Variants in RIMS3 observed in about 807,000 individuals in gnomAD.
RIMS3 encodes the protein regulating synaptic membrane exocytosis 3.
In RIMS3, 15 loss-of-function variants were observed where a neutral mutation model predicts 29.2. The observed-to-expected ratio is 0.51, with a 90% CI of 0.34 to 0.79. RIMS3 has a LOEUF of 0.79. Among genes scored for constraint, RIMS3 ranks in the 30% least tolerant of loss-of-function variants. RIMS3 has a pLI of 0.01. For synonymous variants in RIMS3, 161 were observed against 170.1 expected (o/e 0.95, Z 0.41); for missense variants, 342 against 421.4 (o/e 0.81, Z 1.65).
the RIMS3 span, among the ~76,000 whole-genome samples, chr1:40,682,204 T>TTTCA: frequency 1.1e-3 from 170 of 152,298 alleles, no homozygotes; most frequent in Middle Eastern, 3.4e-3. Context: ...ACTGGCTTAC[T>TTTCA]TTCATTCATT....
At chr1:40,627,041 G>T (rs1317129380) in intron 7 of RIMS3, among the ~76,000 whole-genome samples, 2 of 152,202 alleles carry the variant, frequency 1.3e-5, no homozygotes, top group East Asian at 3.8e-4. Context: ...ACAGTAACTT[G>T]TGGCAGAGCT....
chr1:40,663,245 A>G (rs1032113139), intron 1 of RIMS3, among the ~76,000 whole-genome samples: 2 of 152,170 alleles, frequency 1.3e-5, no homozygotes, highest in African/African-American at 4.8e-5. Flanking sequence ...CAGGAGAGAC[A>G]GTGCCACAGT....
chr1:40,666,588 G>C (rs1642429065), upstream of RIMS3, among the ~76,000 whole-genome samples: 1 of 152,194 alleles, frequency 6.6e-6, no homozygotes, highest in African/African-American at 2.4e-5. Context: ...GCCCCAACTT[G>C]TATATTTAAC....
rs775346126 is a variant in RIMS3 at position 40,628,881 on chromosome 1, T to C, written c.643A>G (p.Lys215Glu). The C allele has an allele frequency of 5.1e-5, 83 of 1,614,034 alleles. No homozygotes were observed. The highest frequency in any genetic ancestry group is 6.9e-5 in the Non-Finnish European group (81 of 1,180,022). Residue 215 changes from lysine (K) to glutamate (E), a missense_variant, in exon 7 of 8, where the codon AAG becomes GAG. Coordinates refer to ENST00000372684, the MANE Select transcript of RIMS3 (RefSeq NM_014747.3). ...TGGTACAGGGGATCACAGGTCTTCT[T>C]GGTCATCTTTGTCTTCTTCTTGGCC... ...CLAKKKTKMTKKTCDPLYQQA... is the reference protein window; with the variant it reads ...CLAKKKTKMTEKTCDPLYQQA...
the RIMS3 span, among the ~76,000 whole-genome samples, chr1:40,683,122 T>C: frequency 2.2e-3 from 337 of 152,238 alleles, 12 homozygotes; most frequent in East Asian, 0.056. Context: ...GTTAAGTAAA[T>C]GGAATGGGGA....
chr1:40,628,169 T>G (rs934628483), intron 7 of RIMS3, among the ~76,000 whole-genome samples: 2 of 152,188 alleles, frequency 1.3e-5, no homozygotes, highest in Admixed American at 1.3e-4. Flanking sequence ...GGCTAATGAG[T>G]GCTGAGCTGG....
rs1211261494 is a variant in RIMS3, at chr1:40,629,256, TC to T, written c.574+14del. ...TGCCCCTCCCTGTCAGGACCCCATT[TC>T]CAAAATCCCTCACCTGGGAGGGATT... On this transcript the variant is annotated intron_variant, in intron 6 of 7. Transcript: ENST00000372684. The T allele has an allele frequency of 6.8e-6, 11 of 1,609,258 alleles. No individual in the cohort carries two copies. Among genetic ancestry groups the T allele is most frequent in the Non-Finnish European group, 9.4e-6 (11 of 1,175,584 alleles).
chr1:40,658,688 A>G lies in RIMS3; in HGVS notation c.-207+6706T>C, dbSNP rs577254660. Reference sequence around the variant, plus strand: ...CCAAGGGACACAATACAGGAACTATAGGTGGCTTGGTGCCTGAAAAGGCAG... The same window carrying G: ...CCAAGGGACACAATACAGGAACTATGGGTGGCTTGGTGCCTGAAAAGGCAG... On this transcript the variant is annotated intron_variant, in intron 1 of 7. Coordinates refer to ENST00000372684, the MANE Select transcript of RIMS3 (RefSeq NM_014747.3). Among the ~76,000 whole-genome samples the G allele has an allele frequency of 2.6e-5, 4 of 152,328 alleles. No individual in the cohort carries two copies. In the East Asian group the frequency reaches 7.7e-4, roughly 29 times the overall value.
chr1:40,626,175 C>T lies in RIMS3; in HGVS notation c.*342G>A. The T allele has an allele frequency of 2.7e-6, 1 of 376,620 alleles. No individual in the cohort carries two copies. Among genetic ancestry groups the T allele is most frequent in the Non-Finnish European group, 5.1e-6 (1 of 196,660 alleles). 23.3% of individuals were successfully genotyped at this position (376,620 alleles called of 1,614,324 possible). A position where few individuals can be genotyped will look rare whatever the true frequency, so the allele number is the denominator to read the frequency against. On this transcript the variant is annotated 3_prime_UTR_variant, in exon 8 of 8. Coordinates refer to ENST00000372684, the MANE Select transcript of RIMS3 (RefSeq NM_014747.3). ...AGTGGCCGCATGCCCCACCTCCATCCCTGGAGACTCCTCAGGGTGAGTCAT... is the reference window on the plus strand; with the variant it reads ...AGTGGCCGCATGCCCCACCTCCATCTCTGGAGACTCCTCAGGGTGAGTCAT...
chr1:40,690,690 AT>A, the RIMS3 span: 1 of 152,258 alleles, frequency 6.6e-6, no homozygotes, highest in Non-Finnish European at 1.5e-5. Context: ...TTACTCCACT[AT>A]TCTCAATTAC....
chr1:40,653,935 G>T (rs548926638), intron 1 of RIMS3, among the ~76,000 whole-genome samples: 1 of 152,104 alleles, frequency 6.6e-6, no homozygotes, highest in African/African-American at 2.4e-5. Context: ...ATACACATTT[G>T]GTTCCTCTGC....
Position 40,626,698 on chromosome 1 carries a change from T to C in RIMS3, c.746A>G (p.Asp249Gly). Residue 249 changes from aspartate (D) to glycine (G), a missense_variant, in exon 8 of 8, where the codon GAC (aspartate) becomes GGC (glycine). Coordinates refer to ENST00000372684, the MANE Select transcript of RIMS3 (RefSeq NM_014747.3). ...VIVWGDYGRM[D>G]HKCFMGMAQI... is the part of the protein sequence containing the mutation. ...GGCCATGCCCATGAAGCACTTGTGG[T>C]CCATGCGGCCATAGTCTCCCCAGAC... 1.2e-6 allele frequency: 2 copies of C among 1,614,052 alleles called. No individual in the cohort carries two copies. The highest frequency in any genetic ancestry group is 1.7e-6 in the Non-Finnish European group (2 of 1,179,994).
intron 2 of RIMS3, 148 bp from the exon 3 acceptor site, chr1:40,642,104 A>C (rs1235936240): frequency 1.1e-5 from 7 of 610,322 alleles, no homozygotes; most frequent in African/African-American, 1.8e-5. Context: ...TGTCAAGAGC[A>C]TGCACAGGTT....
At position 40,620,964 on chromosome 1, in the gene RIMS3, A is replaced by G. The variant is rs574186747; in HGVS notation, c.*5553T>C. On this transcript the variant is annotated 3_prime_UTR_variant, in exon 8 of 8. Coordinates refer to ENST00000372684, the MANE Select transcript of RIMS3 (RefSeq NM_014747.3). ...CTCTCTCTTTGCAGGATGCATTTGG[A>G]AAGTCTAAAAAAAGGGGTTCTTGCC... 1 of 152,720 alleles carries G rather than the reference A, an allele frequency of 6.5e-6. No individual in the cohort carries two copies. The highest frequency in any genetic ancestry group is 2.1e-4 in the South Asian group (1 of 4,830). 9.5% of individuals were successfully genotyped at this position (152,720 alleles called of 1,614,324 possible). A position where few individuals can be genotyped will look rare whatever the true frequency, so the allele number is the denominator to read the frequency against.
chr1:40,628,082 G>A (rs1240241325), intron 7 of RIMS3, among the ~76,000 whole-genome samples: 1 of 152,170 alleles, frequency 6.6e-6, no homozygotes, highest in African/African-American at 2.4e-5. Flanking sequence ...AATACTTAGT[G>A]AGTAGCTGTT....
chr1:40,680,862 C>T, the RIMS3 span, among the ~76,000 whole-genome samples: 1 of 152,140 alleles, frequency 6.6e-6, no homozygotes, highest in African/African-American at 2.4e-5. Flanking sequence ...CCATATTATA[C>T]CATGCCATTA....
At chr1:40,638,256 A>G (rs1303297407) in intron 3 of RIMS3, among the ~76,000 whole-genome samples, 1 of 152,084 alleles carries the variant, frequency 6.6e-6, no homozygotes, top group Admixed American at 6.5e-5. Context: ...TCCCCCATCT[A>G]GCTGAGAGGT....
chr1:40,633,967 A>G (rs1029831266), intron 4 of RIMS3, among the ~76,000 whole-genome samples: 3 of 152,226 alleles, frequency 2.0e-5, no homozygotes, highest in Non-Finnish European at 4.4e-5. Context: ...GTTCCAGACA[A>G]ACAGAAAGCA....
At chr1:40,687,595 T>TC in the RIMS3 span, 1 of 85,360 alleles carries the variant, frequency 1.2e-5, no homozygotes, top group Non-Finnish European at 2.2e-5. Flanking sequence ...AGAGCAAAAC[T>TC]CCATCTCCTA....
Sources: gnomAD v4.1 joint callset for allele counts (sites outside exome capture counted in the v4.1 genomes callset) on GRCh38, gnomAD v4.1.1 for gene constraint, MANE v1.5 for transcripts, NCBI Gene and HGNC (gene_info 2026-07-23, HGNC 2026-07-21) for gene names.